CLEC12A: variants seen among roughly 807,000 people sequenced by gnomAD.
CLEC12A encodes the protein C-type lectin protein CLL-1.
CLEC12A carries 22 observed loss-of-function variants against 26.5 expected under a neutral mutation model. The observed-to-expected ratio is 0.83, with a 90% CI of 0.59 to 1.19. The LOEUF is 1.19. CLEC12A is among the 50% of genes most tolerant of loss of function. CLEC12A has a pLI of 0.00. For synonymous variants in CLEC12A, 119 were observed against 101.9 expected, an observed-to-expected ratio of 1.17 and a Z score of -1.01; for missense variants, 353 against 315.6, an observed-to-expected ratio of 1.12 and a Z score of -0.90.
intron 5 of CLEC12A, among the ~76,000 whole-genome samples, chr12:9,982,386 A>G (rs1490254539): frequency 1.3e-5 from 2 of 152,122 alleles, no homozygotes; most frequent in Non-Finnish European, 2.9e-5. Flanking sequence ...ATCTAAGAAA[A>G]ATTGTGGAAG....
chr12:9,976,126 A>G (rs911239560), intron 1 of CLEC12A, among the ~76,000 whole-genome samples: 8 of 152,220 alleles, frequency 5.3e-5, no homozygotes, highest in African/African-American at 1.7e-4. Flanking sequence ...GACAGTGCAG[A>G]AGGGAAATGT....
chr12:9,979,242 C>A, intron 2 of CLEC12A, 94 bp from the exon 3 acceptor site: 1 of 1,089,446 alleles, frequency 9.2e-7, no homozygotes, highest in Non-Finnish European at 1.3e-6. Context: ...ATTGCTTTCC[C>A]TACCCCTTTA....
chr12:9,960,739 G>C (rs1435803214), intron 1 of CLEC12A, among the ~76,000 whole-genome samples: 1 of 152,138 alleles, frequency 6.6e-6, no homozygotes, highest in African/African-American at 2.4e-5. Context: ...GACCCTGTCT[G>C]GTCTTAAAAC....
intron 1 of CLEC12A, among the ~76,000 whole-genome samples, chr12:9,959,137 TG>T (rs1863788632): frequency 6.6e-6 from 1 of 152,180 alleles, no homozygotes; most frequent in African/African-American, 2.4e-5. Context: ...ACCCTCAGTT[TG>T]GTCCAGGAAC....
chr12:9,961,248 A>G (rs866380686), intron 1 of CLEC12A, among the ~76,000 whole-genome samples: 1 of 152,206 alleles, frequency 6.6e-6, no homozygotes, highest in African/African-American at 2.4e-5. Context: ...TGCCTGAGAG[A>G]TATAATGAAG....
chr12:9,963,237 G>A (rs1014820849), intron 1 of CLEC12A, among the ~76,000 whole-genome samples: 9 of 152,118 alleles, frequency 5.9e-5, no homozygotes, highest in Admixed American at 1.3e-4. Context: ...TTACTTGGTT[G>A]GCAAGTTTTT....
intron 1 of CLEC12A, among the ~76,000 whole-genome samples, chr12:9,963,583 C>G (rs1455617558): frequency 6.6e-6 from 1 of 152,046 alleles, no homozygotes; most frequent in Non-Finnish European, 1.5e-5. Context: ...AGTGGAATAA[C>G]TCTTTTTTGT....
In CLEC12A at chr12:9,978,971, C is replaced by A. The variant is rs1289581250; in HGVS notation, c.97C>A (p.Pro33Thr). Residue 33 changes from proline (P) to threonine (T), a missense_variant, in exon 2 of 6, where the codon CCA becomes ACA. By Grantham distance (38) the Pro-to-Thr change is conservative. Transcript: ENST00000304361. ...GTTAATTTTGCTTTCCACAGCACCT[C>A]CAGCTCCCTCTCATGTATGGCGTCC... Reference protein sequence around the residue: ...EIGKFGEKAPPAPSHVWRPAA... With the variant: ...EIGKFGEKAPTAPSHVWRPAA... 6.2e-7 allele frequency: 1 copy of A among 1,613,662 alleles called. No homozygotes were observed. The highest frequency in any genetic ancestry group is 1.1e-5 in the South Asian group (1 of 91,076).
chr12:9,955,188 G>A (rs1323090739), intron 1 of CLEC12A, among the ~76,000 whole-genome samples: 1 of 152,138 alleles, frequency 6.6e-6, no homozygotes, highest in Non-Finnish European at 1.5e-5. Context: ...CCGGGTTCAC[G>A]CCATTCTCCT....
chr12:9,967,159 C>T (rs1244033360), upstream of CLEC12A, among the ~76,000 whole-genome samples: 3 of 151,222 alleles, frequency 2.0e-5, no homozygotes, highest in Non-Finnish European at 2.9e-5. Flanking sequence ...CGAGAGGTCA[C>T]ATGGGTTTGT....
Position 9,985,047 on chromosome 12 carries a change from A to C in CLEC12A, c.*21A>C. 1 of 1,472,362 alleles carries C rather than the reference A, an allele frequency of 6.8e-7. No individual in the cohort carries two copies. Among genetic ancestry groups the C allele is most frequent in the Non-Finnish European group, 9.0e-7 (1 of 1,113,924 alleles). 91.2% of individuals were successfully genotyped at this position (1,472,362 alleles called of 1,614,324 possible). The stretch of plus-strand genomic sequence containing the variant: ...CATGAGGCATCAATCAAATACATTT[A>C]AGGAGTGTAGGGGGTGGGGGTTCTA... On this transcript the variant is annotated 3_prime_UTR_variant, in exon 6 of 6. Coordinates refer to ENST00000304361, the MANE Select transcript of CLEC12A (RefSeq NM_138337.6).
chr12:9,979,054 G>C lies in CLEC12A; in HGVS notation c.180G>C (p.Leu60Phe). The C allele has an allele frequency of 6.2e-7, 1 of 1,613,060 alleles. No individual in the cohort carries two copies. Among genetic ancestry groups the C allele is most frequent in the Non-Finnish European group, 8.5e-7 (1 of 1,179,144 alleles). Residue 60 changes from leucine (L) to phenylalanine (F), a missense_variant, in exon 2 of 6, where the codon TTG becomes TTC. Coordinates refer to ENST00000304361, the MANE Select transcript of CLEC12A (RefSeq NM_138337.6). ...TGTTGCTCATTGGATTGGGAGTCTT[G>C]GCAAGCATGTGTATGTACTGCCCCT... ...CLLLLIGLGV[L>F]ASMFHVTLKI...
intron 1 of CLEC12A, among the ~76,000 whole-genome samples, chr12:9,956,642 G>T (rs1017201286): frequency 6.6e-6 from 1 of 152,144 alleles, no homozygotes; most frequent in African/African-American, 2.4e-5. Context: ...ATTTAAAAAA[G>T]CCTATATGAA....
chr12:9,967,906 C>T (rs181809819), upstream of CLEC12A, among the ~76,000 whole-genome samples: 8 of 152,226 alleles, frequency 5.3e-5, no homozygotes, highest in East Asian at 1.9e-4. Context: ...GGCAGGCATC[C>T]CTGCCTGATT....
At chr12:9,980,503 T>C in intron 3 of CLEC12A, 79 bp from the exon 4 acceptor site, 1 of 1,343,044 alleles carries the variant, frequency 7.4e-7, no homozygotes, top group Non-Finnish European at 1.0e-6. Context: ...GTGATCAATG[T>C]CACACAGAGA....
At chr12:9,961,840 T>C (rs1313643237) in intron 1 of CLEC12A, among the ~76,000 whole-genome samples, 1 of 152,222 alleles carries the variant, frequency 6.6e-6, no homozygotes, top group African/African-American at 2.4e-5. Flanking sequence ...AAATCTACTC[T>C]TCACCATTCT....
At chr12:9,955,701 C>G (rs2137093030) in intron 1 of CLEC12A, among the ~76,000 whole-genome samples, 1 of 152,194 alleles carries the variant, frequency 6.6e-6, no homozygotes, top group South Asian at 2.1e-4. Context: ...ATCAAAAACC[C>G]AATAACAATG....
At chr12:9,993,277 A>G in intron 4 of CLEC12A, 1 of 1,612,726 alleles carries the variant, frequency 6.2e-7, no homozygotes, top group Non-Finnish European at 8.5e-7. Flanking sequence ...CCATCTTCCA[A>G]AAACTCAAAC....
At chr12:9,957,504 A>C (rs11502904) in intron 1 of CLEC12A, among the ~76,000 whole-genome samples, 6 of 145,682 alleles carry the variant, frequency 4.1e-5, no homozygotes, top group African/African-American at 1.3e-4. Context: ...AAAAAAAAAA[A>C]CAAAAAAACA....
Sources: gnomAD v4.1 joint callset for allele counts (sites outside exome capture counted in the v4.1 genomes callset) on GRCh38, gnomAD v4.1.1 for gene constraint, MANE v1.5 for transcripts, NCBI Gene and HGNC (gene_info 2026-07-23, HGNC 2026-07-21) for gene names.